The following BLTP1 variants were observed in gnomAD, a reference collection of about 807,000 sequenced individuals.
The protein encoded by BLTP1 is bridge-like lipid transfer protein family member 1, also known as fragile site-associated protein.
At chr4:122,224,295 C>A in the BLTP1 span, 1 of 278,886 alleles carries the variant, frequency 3.6e-6, no homozygotes, top group Non-Finnish European at 5.4e-6. Context: ...AATAGTTGGA[C>A]TCTCATAGGT....
At chr4:122,359,541 TA>T in the BLTP1 span, 1 of 1,605,640 alleles carries the variant, frequency 6.2e-7, no homozygotes. Flanking sequence ...CATACTAATC[TA>T]AATTTTCCTT....
the BLTP1 span, chr4:122,239,714 T>C: frequency 1.9e-5 from 30 of 1,614,066 alleles, no homozygotes; most frequent in Non-Finnish European, 2.5e-5. Context: ...TTAGTAGTGA[T>C]GTCTCTCGAA....
the BLTP1 span, chr4:122,355,953 C>T: frequency 6.2e-7 from 1 of 1,610,652 alleles, no homozygotes; most frequent in Non-Finnish European, 8.5e-7. Context: ...ACTTTAAATC[C>T]ATTCATGTTC....
At chr4:122,297,708 C>T in the BLTP1 span, among the ~76,000 whole-genome samples, 1 of 152,102 alleles carries the variant, frequency 6.6e-6, no homozygotes, top group African/African-American at 2.4e-5. Context: ...ATATATACAC[C>T]ATGGAATGCT....
chr4:122,223,784 G>T, the BLTP1 span, among the ~76,000 whole-genome samples: 1 of 152,172 alleles, frequency 6.6e-6, no homozygotes, highest in African/African-American at 2.4e-5. Context: ...ATGAAAAAAA[G>T]TCAATGCATT....
the BLTP1 span, chr4:122,254,976 A>G: frequency 1.3e-6 from 2 of 1,547,646 alleles, no homozygotes; most frequent in South Asian, 2.3e-5. Context: ...AAATAATACA[A>G]GGTATTATAC....
At chr4:122,157,224 G>GT in the BLTP1 span, among the ~76,000 whole-genome samples, 1 of 152,128 alleles carries the variant, frequency 6.6e-6, no homozygotes, top group Non-Finnish European at 1.5e-5. Flanking sequence ...ACCGATAAAT[G>GT]TTTTTTATTT....
chr4:122,350,563 A>C, the BLTP1 span: 1 of 177,660 alleles, frequency 5.6e-6, no homozygotes, highest in Admixed American at 6.5e-5. Context: ...AAAGACCATA[A>C]TAAATTTACT....
At chr4:122,356,581 G>A in the BLTP1 span, 1 of 1,598,616 alleles carries the variant, frequency 6.3e-7, no homozygotes, top group Admixed American at 1.8e-5. Flanking sequence ...TTAATGGGAA[G>A]ATGACTCATT....
chr4:122,209,111 A>G, the BLTP1 span: 4 of 1,534,886 alleles, frequency 2.6e-6, no homozygotes, highest in Non-Finnish European at 3.5e-6. Flanking sequence ...TAACCAACAT[A>G]TTTATGCACT....
the BLTP1 span, chr4:122,348,579 A>G: frequency 6.3e-7 from 1 of 1,591,374 alleles, no homozygotes; most frequent in Non-Finnish European, 8.6e-7. Flanking sequence ...TCACTTTCAA[A>G]AACATCAACT....
chr4:122,277,842 G>A, the BLTP1 span: 7 of 544,132 alleles, frequency 1.3e-5, no homozygotes, highest in Non-Finnish European at 1.6e-5. Flanking sequence ...TGTCTGTATA[G>A]TGGTTGTACA....
chr4:122,278,290 G>A, the BLTP1 span, among the ~76,000 whole-genome samples: 3 of 152,146 alleles, frequency 2.0e-5, no homozygotes, highest in African/African-American at 7.2e-5. Context: ...CCATGACAAT[G>A]CAGTCTTTTT....
chr4:122,172,653 G>A, the BLTP1 span, among the ~76,000 whole-genome samples: 2 of 152,048 alleles, frequency 1.3e-5, no homozygotes, highest in Non-Finnish European at 2.9e-5. Flanking sequence ...TTTACAAGTG[G>A]CTATAGCTTG....
At chr4:122,198,068 C>A in the BLTP1 span, 3 of 985,172 alleles carry the variant, frequency 3.0e-6, no homozygotes, top group Middle Eastern at 5.2e-4. Context: ...TTTCTTGGTT[C>A]TGTCACTTAT....
At chr4:122,158,277 A>T in the BLTP1 span, among the ~76,000 whole-genome samples, 103 of 152,316 alleles carry the variant, frequency 6.8e-4, no homozygotes, top group Middle Eastern at 3.4e-3. Flanking sequence ...ATGAGGACTA[A>T]CCCTTTCATT....
chr4:122,267,149 C>G, the BLTP1 span, among the ~76,000 whole-genome samples: 2 of 144,852 alleles, frequency 1.4e-5, no homozygotes, highest in Non-Finnish European at 3.0e-5. Flanking sequence ...AGCTCCACCT[C>G]CCGGGTTCAT....
At chr4:122,221,585 T>G in the BLTP1 span, among the ~76,000 whole-genome samples, 1 of 151,148 alleles carries the variant, frequency 6.6e-6, no homozygotes, top group Admixed American at 6.6e-5. Flanking sequence ...ATGTGTAGAT[T>G]CATGTAACCA....
chr4:122,271,421 A>G, the BLTP1 span: 1 of 1,613,898 alleles, frequency 6.2e-7, no homozygotes, highest in Non-Finnish European at 8.5e-7. Flanking sequence ...TAATGGTGGC[A>G]ATAGAGTAAA....
Sources: gnomAD v4.1 joint callset for allele counts (sites outside exome capture counted in the v4.1 genomes callset) on GRCh38, gnomAD v4.1.1 for gene constraint, MANE v1.5 for transcripts, NCBI Gene and HGNC (gene_info 2026-07-23, HGNC 2026-07-21) for gene names.